Variants in ADPRHL1 observed in about 807,000 individuals in gnomAD.
ADPRHL1 encodes the protein inactive ADP-ribosyltransferase ARH2.
Under a neutral mutation model 44.1 loss-of-function variants are expected in ADPRHL1, and 43 were observed. The observed-to-expected ratio is 0.98, with a 90% CI of 0.76 to 1.26. The LOEUF (loss-of-function observed/expected upper bound fraction) is 1.26. Among genes scored for constraint, ADPRHL1 ranks in the 50% most tolerant of loss-of-function variants. The probability of loss-of-function intolerance (pLI) is 0.00; values close to 1 mark genes in which losing one functional copy is unlikely to be tolerated. For synonymous variants in ADPRHL1, 878 were observed against 1,017.4 expected (o/e 0.86, Z 2.61); for missense variants, 2,022 against 2,496.9 (o/e 0.81, Z 4.05).
At chr13:113,450,784 G>A (rs1308365180) in intron 1 of ADPRHL1, among the ~76,000 whole-genome samples, 1 of 152,208 alleles carries the variant, frequency 6.6e-6, no homozygotes, top group East Asian at 1.9e-4. Flanking sequence ...GGCAGAGCCA[G>A]GTGTACAGGA....
chr13:113,419,244 C>T (rs1363443987), intron 7 of ADPRHL1, among the ~76,000 whole-genome samples: 1 of 146,218 alleles, frequency 6.8e-6, no homozygotes, highest in Non-Finnish European at 1.5e-5. Flanking sequence ...GGAGCTGGGA[C>T]TACAGGCGCC....
intron 7 of ADPRHL1, among the ~76,000 whole-genome samples, chr13:113,413,203 C>G (rs2043868965): frequency 6.6e-6 from 1 of 152,238 alleles, no homozygotes; most frequent in Admixed American, 6.5e-5. Flanking sequence ...CTGTTTCTCT[C>G]CTGGCCACCC....
chr13:113,450,578 C>T (rs554240828), intron 1 of ADPRHL1, among the ~76,000 whole-genome samples: 19 of 152,232 alleles, frequency 1.2e-4, no homozygotes, highest in South Asian at 6.2e-4. Context: ...GTAAAGAATG[C>T]GAGTCACCTC....
intron 7 of ADPRHL1, among the ~76,000 whole-genome samples, chr13:113,421,724 C>G (rs893732305): frequency 1.3e-5 from 2 of 151,338 alleles, no homozygotes; most frequent in Non-Finnish European, 3.0e-5. Flanking sequence ...TCACCACTTT[C>G]CCCTTTCAAA....
chr13:113,428,241 T>G (rs1313606082), intron 4 of ADPRHL1, among the ~76,000 whole-genome samples: 1 of 11,426 alleles, frequency 8.8e-5, no homozygotes. Context: ...AGATTCCATC[T>G]CAAAAAAAAA....
At position 113,435,575 on chromosome 13, in the gene ADPRHL1, GA is replaced by G. The variant is rs1436883458; in HGVS notation, c.380-1709del. ...CCCCGGGACCCAGCACCCAGGTGTAGAGTGAACACAGGTGTACCCCGGGACC... is the reference window on the plus strand; with the variant it reads ...CCCCGGGACCCAGCACCCAGGTGTAGGTGAACACAGGTGTACCCCGGGACC... On this transcript the variant is annotated intron_variant, in intron 2 of 7. Transcript: ENST00000612156. Among the ~76,000 whole-genome samples, 20 of 7,166 alleles carry G rather than the reference GA, an allele frequency of 2.8e-3. 6 individuals are homozygous for G. The highest frequency in any genetic ancestry group is 5.8e-3 in the African/African-American group (20 of 3,424). 4.7% of individuals were successfully genotyped at this position (7,166 alleles called of 152,430 possible). A position where few individuals can be genotyped will look rare whatever the true frequency, so the allele number is the denominator to read the frequency against.
chr13:113,407,316 G>T lies in ADPRHL1; in HGVS notation c.1966C>A (p.Pro656Thr). The change falls in exon 8 of 8, where the codon CCC becomes ACC. Residue 656 changes from proline (P) to threonine (T), a missense_variant. Pro to Thr is a conservative substitution (Grantham distance 38). Transcript: ENST00000612156. ...GGCCCCGTCTCCCTGGCACTAGGGGGCACGCTGGCTTCTCCTCTGGGTGGA... is the reference window on the plus strand; with the variant it reads ...GGCCCCGTCTCCCTGGCACTAGGGGTCACGCTGGCTTCTCCTCTGGGTGGA... Reference protein sequence around the residue: ...RRPPRGEASVPPSARETGPSG... With the variant: ...RRPPRGEASVTPSARETGPSG... The T allele has an allele frequency of 8.1e-7, 1 of 1,232,030 alleles. No individual in the cohort carries two copies. 76.3% of individuals were successfully genotyped at this position (1,232,030 alleles called of 1,614,324 possible).
intron 7 of ADPRHL1, among the ~76,000 whole-genome samples, chr13:113,416,891 G>A (rs897506426): frequency 3.9e-5 from 6 of 152,248 alleles, no homozygotes; most frequent in East Asian, 1.9e-4. Flanking sequence ...TTGTGTGTGC[G>A]TGCTCATATG....
intron 1 of ADPRHL1, among the ~76,000 whole-genome samples, chr13:113,448,692 C>A (rs2044158995): frequency 6.8e-6 from 1 of 146,158 alleles, no homozygotes; most frequent in Non-Finnish European, 1.5e-5. Context: ...TGACACCTCC[C>A]GCCATCCTGC....
At chr13:113,450,259 C>G (rs1447023148) in intron 1 of ADPRHL1, among the ~76,000 whole-genome samples, 1 of 152,118 alleles carries the variant, frequency 6.6e-6, no homozygotes, top group Non-Finnish European at 1.5e-5. Flanking sequence ...CTTCCATAGG[C>G]TACAATTTGT....
intron 7 of ADPRHL1, among the ~76,000 whole-genome samples, chr13:113,420,361 G>C (rs1454153158): frequency 6.6e-6 from 1 of 152,144 alleles, no homozygotes; most frequent in Non-Finnish European, 1.5e-5. Flanking sequence ...GGAGGGGTTT[G>C]ATTTGCGGAT....
At position 113,428,568 on chromosome 13, in the gene ADPRHL1, C is replaced by T. The variant is rs563197249; in HGVS notation, c.646+384G>A. On this transcript the variant is annotated intron_variant, in intron 4 of 7. Transcript: ENST00000612156. ...CCTGAGGGAAGGGCCCAGCCCTGAG[C>T]TCGCCCAAACCGGCAGAAGCAGAGT... is the stretch of plus-strand genomic sequence containing the variant. Among the ~76,000 whole-genome samples the T allele has an allele frequency of 2.0e-5, 3 of 152,368 alleles. No homozygotes were observed. The East Asian group carries it at 5.8e-4, about 29-fold the overall frequency.
At position 113,422,971 on chromosome 13, in the gene ADPRHL1, C is replaced by T. The variant is rs199654995; in HGVS notation, c.916G>A (p.Ala306Thr). ...CAGCCTGCAATGGTGCCCGTGGCCG[C>T]GCTCTCCCCTGAAACGCAAAGGCAG... is the stretch of plus-strand genomic sequence containing the variant. ...HRAMFHGGES[A>T]ATGTIAGCLF... The change falls in exon 7 of 8, where the codon GCG becomes ACG. Residue 306 changes from alanine (A) to threonine (T), a missense_variant. Transcript: ENST00000612156. The T allele has an allele frequency of 3.5e-5, 56 of 1,612,846 alleles. No homozygotes were observed. Among genetic ancestry groups the T allele is most frequent in the Admixed American group, 5.0e-5 (3 of 60,014 alleles).
At chr13:113,421,551 C>A (rs1001725351) in intron 7 of ADPRHL1, among the ~76,000 whole-genome samples, 4 of 152,168 alleles carry the variant, frequency 2.6e-5, no homozygotes, top group African/African-American at 9.7e-5. Flanking sequence ...CAAGGGGAGG[C>A]GGCCGGGGAG....
At position 113,406,172 on chromosome 13, in the gene ADPRHL1, C is replaced by T. The variant is rs1004524951; in HGVS notation, c.3110G>A (p.Gly1037Glu). Residue 1037 changes from glycine to glutamate, a missense_variant, in exon 8 of 8, where the codon GGA becomes GAA. Coordinates refer to ENST00000612156, the MANE Select transcript of ADPRHL1 (RefSeq NM_001394807.1). ...VPSPTGRNPT[G>E]APTSLAASSK... ...TGATGCCGCCAGTGACGTGGGGGCT[C>T]CTGTTGGGTTTCTCCCAGTCGGGGA... 8.1e-7 allele frequency: 1 copy of T among 1,232,168 alleles called. No individual in the cohort carries two copies. Among genetic ancestry groups the T allele is most frequent in the East Asian group, 3.2e-5 (1 of 31,702 alleles). 76.3% of individuals were successfully genotyped at this position (1,232,168 alleles called of 1,614,324 possible).
In ADPRHL1 at chr13:113,447,718, G is replaced by A. The variant is rs537809001; in HGVS notation, c.215-3129C>T. On this transcript the variant is annotated intron_variant, in intron 1 of 7. Transcript: ENST00000612156. ...GGCAAGACTGTGGTTTGGGAGACAC[G>A]AGTCCTGCAGTCTCATAGGAGAGGT... Among the ~76,000 whole-genome samples the A allele has an allele frequency of 2.2e-4, 34 of 152,324 alleles. 1 individual carries two copies. In the South Asian group the frequency reaches 6.4e-3, roughly 29 times the overall value.
chr13:113,435,309 A>G (rs1267224838), intron 2 of ADPRHL1, among the ~76,000 whole-genome samples: 3 of 96,094 alleles, frequency 3.1e-5, no homozygotes, highest in African/African-American at 8.6e-5. Flanking sequence ...CCTGTGACCC[A>G]GCACCCAGGC....
chr13:113,451,689 C>T (rs1180498769), intron 1 of ADPRHL1, among the ~76,000 whole-genome samples: 1 of 151,982 alleles, frequency 6.6e-6, no homozygotes, highest in Non-Finnish European at 1.5e-5. Flanking sequence ...GCACCTGTAG[C>T]CCCAGCTACT....
At chr13:113,429,938 A>G (rs904623966) in intron 3 of ADPRHL1, among the ~76,000 whole-genome samples, 4 of 152,190 alleles carry the variant, frequency 2.6e-5, no homozygotes, top group African/African-American at 9.7e-5. Flanking sequence ...AATGCATGCG[A>G]GTATATATGT....
Sources: allele counts gnomAD v4.1 joint callset (sites outside exome capture counted in the v4.1 genomes callset), GRCh38; gene constraint gnomAD v4.1.1; transcripts MANE v1.5; gene names NCBI Gene and HGNC (gene_info 2026-07-23, HGNC 2026-07-21).